The following XPR1 variants were observed in gnomAD, a reference collection of about 807,000 sequenced individuals.
The protein encoded by XPR1 is solute carrier family 53 member 1.
In XPR1, 28 loss-of-function variants were observed where a neutral mutation model predicts 87.5. The observed-to-expected ratio is 0.32, with a 90% CI of 0.24 to 0.44. XPR1 has a LOEUF of 0.44. Ranked by LOEUF, XPR1 falls within the 20% of genes least tolerant of loss-of-function variation. The pLI is 1.00. For synonymous variants in XPR1, 300 were observed against 306.1 expected, an observed-to-expected ratio of 0.98 and a Z score of 0.21; for missense variants, 559 against 862.3, an observed-to-expected ratio of 0.65 and a Z score of 4.41.
chr1:180,835,074 T>C (rs770522693), intron 10 of XPR1, 29 bp downstream of exon 10: 4 of 1,605,836 alleles, frequency 2.5e-6, no homozygotes, highest in Non-Finnish European at 3.4e-6. Context: ...TCTATACTAC[T>C]AAATCGCTGG....
chr1:180,638,351 T>C (rs1406303116), intron 1 of XPR1, among the ~76,000 whole-genome samples: 1 of 152,206 alleles, frequency 6.6e-6, no homozygotes, highest in Non-Finnish European at 1.5e-5. Context: ...TTTGACATAA[T>C]AAAAGTTTGG....
chr1:180,744,034 T>C (rs1251524724), intron 2 of XPR1, among the ~76,000 whole-genome samples: 1 of 152,228 alleles, frequency 6.6e-6, no homozygotes, highest in Non-Finnish European at 1.5e-5. Flanking sequence ...GGGATGTTTT[T>C]AACTATTATG....
At chr1:180,796,862 A>C (rs559616872) in intron 3 of XPR1, among the ~76,000 whole-genome samples, 1 of 152,362 alleles carries the variant, frequency 6.6e-6, no homozygotes, top group East Asian at 1.9e-4. Flanking sequence ...ATTATGATAC[A>C]AAATGGATGA....
At chr1:180,696,043 T>C (rs1657151867) in intron 2 of XPR1, among the ~76,000 whole-genome samples, 1 of 151,844 alleles carries the variant, frequency 6.6e-6, no homozygotes, top group South Asian at 2.1e-4. Context: ...TTAATGCTAT[T>C]AATTCTTCTG....
intron 1 of XPR1, among the ~76,000 whole-genome samples, chr1:180,648,731 C>G (rs996022498): frequency 1.3e-5 from 2 of 152,280 alleles, no homozygotes; most frequent in Admixed American, 6.5e-5. Context: ...TGGTCTCAGA[C>G]TCCTGACCCC....
chr1:180,863,781 C>G lies in XPR1; in HGVS notation c.1575C>G (p.Thr525=). 1 of 1,611,336 alleles carries G rather than the reference C, an allele frequency of 6.2e-7. No individual in the cohort carries two copies. Among genetic ancestry groups the G allele is most frequent in the South Asian group, 1.1e-5 (1 of 90,680 alleles). Residue 525 remains threonine, a synonymous_variant, in exon 12 of 15, where the codon ACC becomes ACG. Transcript: ENST00000367590. ...IVFYIISSCY[T]LIWDLKMDWG... ...TTTATATCATCAGTTCCTGCTATAC[C>G]CTCATCTGGGATCTCAAGATGGACT...
chr1:180,827,413 G>C (rs1650890943), intron 9 of XPR1, among the ~76,000 whole-genome samples: 1 of 152,180 alleles, frequency 6.6e-6, no homozygotes, highest in African/African-American at 2.4e-5. Context: ...CATTTCCCCA[G>C]TGTATCCTTT....
chr1:180,876,645 A>AAAAG (rs1240774668), intron 13 of XPR1, among the ~76,000 whole-genome samples: 1 of 152,062 alleles, frequency 6.6e-6, no homozygotes, highest in African/African-American at 2.4e-5. Flanking sequence ...CAAAAAAAAA[A>AAAAG]AAAGAAAGAA....
Position 180,836,704 on chromosome 1 carries a change from A to G in XPR1, c.1489A>G (p.Ser497Gly). ...CATGGTGACGTTTGCAGCCCTTTACAGCACTCACAAAGGTATTCTGTGATT... is the reference window on the plus strand; with the variant it reads ...CATGGTGACGTTTGCAGCCCTTTACGGCACTCACAAAGGTATTCTGTGATT... ...FFMVTFAALY[S>G]THKERGHSDT... The change falls in exon 11 of 15, where the codon AGC becomes GGC. Residue 497 changes from serine (S) to glycine (G), a missense_variant. Physicochemically the swap from Ser to Gly is moderately conservative, Grantham distance 56. Coordinates refer to ENST00000367590, the MANE Select transcript of XPR1 (RefSeq NM_004736.4). 1 of 1,613,980 alleles carries G rather than the reference A, an allele frequency of 6.2e-7. No individual in the cohort carries two copies. Among genetic ancestry groups the G allele is most frequent in the East Asian group, 2.2e-5 (1 of 44,878 alleles).
chr1:180,754,589 T>C (rs1354963586), intron 2 of XPR1, among the ~76,000 whole-genome samples: 1 of 151,936 alleles, frequency 6.6e-6, no homozygotes. Flanking sequence ...GCTTCCCGAG[T>C]ATCTGGGACT....
chr1:180,836,714 A>C lies in XPR1; in HGVS notation c.1499A>C (p.Lys500Thr). ...VTFAALYSTH[K>T]ERGHSDTMVF... ...TTTGCAGCCCTTTACAGCACTCACA[A>C]AGGTATTCTGTGATTGACTCTGAAG... The change falls in exon 11 of 15, where the codon AAA (lysine) becomes ACA (threonine). Residue 500 changes from lysine (K) to threonine (T), a missense_variant and splice_region_variant. Physicochemically the swap from Lys to Thr is moderately conservative, Grantham distance 78. Coordinates refer to ENST00000367590, the MANE Select transcript of XPR1 (RefSeq NM_004736.4). 6.2e-7 allele frequency: 1 copy of C among 1,613,730 alleles called. No individual in the cohort carries two copies.
intron 3 of XPR1, among the ~76,000 whole-genome samples, chr1:180,797,151 T>C (rs969784011): frequency 1.3e-5 from 2 of 152,328 alleles, no homozygotes; most frequent in Admixed American, 1.3e-4. Context: ...AGTAGATGAA[T>C]CCTATGGTAG....
chr1:180,733,671 T>C (rs1557980247), intron 2 of XPR1, among the ~76,000 whole-genome samples: 1 of 152,106 alleles, frequency 6.6e-6, no homozygotes, highest in South Asian at 2.1e-4. Flanking sequence ...GTAGAGGTGG[T>C]AGAGATGTAG....
chr1:180,818,393 G>GTGCA (rs1396601582), intron 7 of XPR1, among the ~76,000 whole-genome samples: 9 of 150,782 alleles, frequency 6.0e-5, no homozygotes, highest in Non-Finnish European at 1.2e-4. Context: ...ATTGTTAAGT[G>GTGCA]TGCAGGCTTT....
chr1:180,634,429 T>G (rs369395808), intron 1 of XPR1, among the ~76,000 whole-genome samples: 91 of 152,318 alleles, frequency 6.0e-4, no homozygotes, highest in African/African-American at 2.1e-3. Context: ...GTGTTGTTTC[T>G]GAAGAGTTGG....
chr1:180,791,077 G>A (rs1649360918), intron 3 of XPR1, among the ~76,000 whole-genome samples: 1 of 152,068 alleles, frequency 6.6e-6, no homozygotes, highest in Non-Finnish European at 1.5e-5. Flanking sequence ...AAAGCGTATT[G>A]GAAATGATGT....
At chr1:180,637,544 A>T (rs186230243) in intron 1 of XPR1, among the ~76,000 whole-genome samples, 162 of 152,260 alleles carry the variant, frequency 1.1e-3, no homozygotes, top group African/African-American at 3.7e-3. Flanking sequence ...TTTAAAAATT[A>T]TTAAGCTAAT....
chr1:180,812,031 A>G (rs1169135667), intron 7 of XPR1, among the ~76,000 whole-genome samples: 2 of 152,208 alleles, frequency 1.3e-5, no homozygotes, highest in South Asian at 4.1e-4. Flanking sequence ...AAATGATATA[A>G]CAGCAAAGGA....
chr1:180,728,819 G>A (rs1435943108), intron 2 of XPR1, among the ~76,000 whole-genome samples: 1 of 152,082 alleles, frequency 6.6e-6, no homozygotes, highest in African/African-American at 2.4e-5. Context: ...GCCAAAATTA[G>A]GAATTACAAT....
Sources: gnomAD v4.1 joint callset for allele counts (sites outside exome capture counted in the v4.1 genomes callset) on GRCh38, gnomAD v4.1.1 for gene constraint, MANE v1.5 for transcripts, NCBI Gene and HGNC (gene_info 2026-07-23, HGNC 2026-07-21) for gene names.